The following ENPEP variants were observed in gnomAD, a reference collection of about 807,000 sequenced individuals.
The protein encoded by ENPEP is AP-A.
ENPEP carries 103 observed loss-of-function variants against 114.5 expected under a neutral mutation model. The observed-to-expected ratio is 0.90, with a 90% CI of 0.77 to 1.06. The LOEUF (loss-of-function observed/expected upper bound fraction) is 1.06. ENPEP is among the 50% of genes least tolerant of loss of function. The probability of loss-of-function intolerance (pLI) is 0.00; values close to 1 mark genes in which losing one functional copy is unlikely to be tolerated. For synonymous variants in ENPEP, 420 were observed against 422.0 expected, an observed-to-expected ratio of 1.00 and a Z score of 0.06; for missense variants, 1,196 against 1,161.3, an observed-to-expected ratio of 1.03 and a Z score of -0.43.
chr4:110,553,548 A>G (rs1465671494), intron 18 of ENPEP, 93 bp downstream of exon 18: 8 of 1,217,570 alleles, frequency 6.6e-6, no homozygotes, highest in East Asian at 2.5e-5. Flanking sequence ...TCTGACATCT[A>G]TACAATATCT....
chr4:110,509,107 C>T (rs1367247599), intron 4 of ENPEP, among the ~76,000 whole-genome samples: 1 of 152,150 alleles, frequency 6.6e-6, no homozygotes, highest in Non-Finnish European at 1.5e-5. Context: ...GTAAGGGAAT[C>T]TAGAGAGAAT....
chr4:110,510,121 C>G, intron 5 of ENPEP, 124 bp from the exon 6 acceptor site: 5 of 781,462 alleles, frequency 6.4e-6, no homozygotes, highest in Non-Finnish European at 8.4e-6. Context: ...ATGTTAAGTA[C>G]AATGCCTGCC....
chr4:110,520,138 TTCTAA>T, intron 9 of ENPEP, 65 bp downstream of exon 9: 1 of 1,596,534 alleles, frequency 6.3e-7, no homozygotes, highest in Non-Finnish European at 8.6e-7. Context: ...ACCAATCATT[TTCTAA>T]TCTAACTATT....
chr4:110,534,733 T>C (rs1476797444), intron 11 of ENPEP, among the ~76,000 whole-genome samples: 1 of 151,840 alleles, frequency 6.6e-6, no homozygotes, highest in African/African-American at 2.4e-5. Flanking sequence ...GGTCTTGAAC[T>C]CCAGACCTCA....
intron 3 of ENPEP, among the ~76,000 whole-genome samples, chr4:110,491,718 CTTTTTTT>C (rs970695793): frequency 4.5e-5 from 3 of 66,060 alleles, no homozygotes; most frequent in Admixed American, 2.0e-4. Flanking sequence ...TTCTTTCTTT[CTTTTTTT>C]TTTTTTTTTT....
At chr4:110,560,023 T>C (rs960467685) in intron 19 of ENPEP, among the ~76,000 whole-genome samples, 8 of 152,194 alleles carry the variant, frequency 5.3e-5, no homozygotes, top group African/African-American at 1.9e-4. Context: ...AGCTCCCACT[T>C]ATGAGAGAGA....
intron 3 of ENPEP, among the ~76,000 whole-genome samples, chr4:110,499,675 A>G (rs1725078975): frequency 6.6e-6 from 1 of 152,170 alleles, no homozygotes; most frequent in African/African-American, 2.4e-5. Context: ...GCAATTTTTT[A>G]TAGTGAGAAA....
At chr4:110,501,722 C>T (rs1278917823) in intron 3 of ENPEP, among the ~76,000 whole-genome samples, 3 of 152,124 alleles carry the variant, frequency 2.0e-5, no homozygotes, top group African/African-American at 7.2e-5. Flanking sequence ...GTCTTTGCTA[C>T]TGTGAATAGT....
chr4:110,553,315 GTA>G lies in ENPEP; in HGVS notation c.2504_2505del (p.Tyr835PhefsTer11). On this transcript the variant is annotated frameshift_variant and splice_region_variant, in exon 18 of 20. Transcript: ENST00000265162. LOFTEE classifies it high-confidence loss of function. Reference protein sequence around the residue: ...SVKNVTLLSRYLDLLKDTNLI... With the variant: ...SVKNVTLLSRXLDLLKDTNLI... ...TGTTTTTCTGTTTGGCTTCTCTTAG[GTA>G]TTTGGATTTGCTCAAGGACACGAAC... is the stretch of plus-strand genomic sequence containing the variant. The G allele has an allele frequency of 6.3e-7, 1 of 1,579,746 alleles. No homozygotes were observed. The highest frequency in any genetic ancestry group is 2.3e-5 in the East Asian group (1 of 44,400).
At chr4:110,487,295 A>T (rs183508670) in intron 1 of ENPEP, among the ~76,000 whole-genome samples, 16 of 152,356 alleles carry the variant, frequency 1.1e-4, no homozygotes, top group African/African-American at 3.8e-4. Flanking sequence ...AAGTGCTATT[A>T]TCAATTTTGT....
intron 11 of ENPEP, among the ~76,000 whole-genome samples, chr4:110,538,128 C>A (rs1477024246): frequency 1.3e-5 from 2 of 152,110 alleles, no homozygotes; most frequent in African/African-American, 4.8e-5. Flanking sequence ...CTGCATCCAC[C>A]CCTAATGAGA....
chr4:110,513,278 A>T, intron 6 of ENPEP, 137 bp from the exon 7 acceptor site: 1 of 920,314 alleles, frequency 1.1e-6, no homozygotes. Flanking sequence ...AAGTATGATT[A>T]ATTTGAAGAC....
chr4:110,476,949 C>G lies in ENPEP; in HGVS notation c.535C>G (p.Pro179Ala). ...GGTCGAGGCGGAGGAAGAGCTTACC[C>G]CCAGCAGTGGAGATGGCCTGTATCT... ...VVVEAEEELT[P>A]SSGDGLYLLT... The change falls in exon 1 of 20, where the codon CCC (proline) becomes GCC (alanine). Residue 179 changes from proline (P) to alanine (A), a missense_variant. Transcript: ENST00000265162. 6.2e-7 allele frequency: 1 copy of G among 1,614,170 alleles called. No individual in the cohort carries two copies. The highest frequency in any genetic ancestry group is 8.5e-7 in the Non-Finnish European group (1 of 1,180,038).
chr4:110,488,583 A>G lies in ENPEP; in HGVS notation c.687A>G (p.Lys229=). 6.2e-7 allele frequency: 1 copy of G among 1,613,916 alleles called. No individual in the cohort carries two copies. Among genetic ancestry groups the G allele is most frequent in the Non-Finnish European group, 8.5e-7 (1 of 1,179,950 alleles). ...ATCATGAACCAACAGATGCCAGGAA[A>G]TCTTTTCCTTGTTTTGATGAGCCCA... ...ATDHEPTDAR[K]SFPCFDEPNK... is the part of the protein sequence containing the mutation. Residue 229 remains lysine (K), a synonymous_variant, in exon 2 of 20, where the codon AAA becomes AAG. Transcript: ENST00000265162.
At chr4:110,528,114 A>G (rs539488944) in intron 10 of ENPEP, among the ~76,000 whole-genome samples, 51 of 152,220 alleles carry the variant, frequency 3.4e-4, no homozygotes, top group African/African-American at 1.1e-3. Context: ...TTCAGTTTCC[A>G]CCTTCAGATA....
chr4:110,550,109 T>C (rs981791201), intron 17 of ENPEP, among the ~76,000 whole-genome samples: 2 of 152,086 alleles, frequency 1.3e-5, no homozygotes, highest in Non-Finnish European at 2.9e-5. Context: ...TCCAGTTGTG[T>C]GCAGCGGCTC....
rs33956210 is a variant in ENPEP at position 110,533,420 on chromosome 4, C to CA, written c.1807+2160dup. On this transcript the variant is annotated intron_variant, in intron 11 of 19. Coordinates refer to ENST00000265162, the MANE Select transcript of ENPEP (RefSeq NM_001977.4). ...GATAAGAATGGGGGCAGTGCTGGAG[C>CA]AAAAAAAAAAAAAAAAAGCAATCCT... is the stretch of plus-strand genomic sequence containing the variant. The CA allele has an allele frequency of 9.9e-3, 1,200 of 121,308 alleles. 14 individuals are homozygous for CA. The highest frequency in any genetic ancestry group is 0.028 in the African/African-American group (965 of 33,950). The allele number at this position is 121,308 out of a possible 1,614,324, so 7.5% of individuals were successfully genotyped here. A position where few individuals can be genotyped will look rare whatever the true frequency, so the allele number is the denominator to read the frequency against.
At chr4:110,493,423 T>A (rs1724800093) in intron 3 of ENPEP, among the ~76,000 whole-genome samples, 1 of 152,184 alleles carries the variant, frequency 6.6e-6, no homozygotes, top group African/African-American at 2.4e-5. Context: ...TGTCCAATCA[T>A]CTATTTTATA....
chr4:110,508,925 T>C (rs1015903397), intron 4 of ENPEP, among the ~76,000 whole-genome samples: 1 of 152,234 alleles, frequency 6.6e-6, no homozygotes, highest in Non-Finnish European at 1.5e-5. Flanking sequence ...TACATAATAA[T>C]AAAGAAATTA....
Sources: allele counts gnomAD v4.1 joint callset (sites outside exome capture counted in the v4.1 genomes callset), GRCh38; gene constraint gnomAD v4.1.1; transcripts MANE v1.5; gene names NCBI Gene and HGNC (gene_info 2026-07-23, HGNC 2026-07-21).